The following LCLAT1 variants were observed in gnomAD, a reference collection of about 807,000 sequenced individuals.
LCLAT1 encodes lysocardiolipin acyltransferase 1.
A neutral mutation model predicts 30.7 loss-of-function variants in LCLAT1; 11 were observed. That is an observed-to-expected ratio of 0.36 (90% CI 0.23 to 0.59). LCLAT1 has a LOEUF of 0.59. Ranked by LOEUF, LCLAT1 falls within the 20% of genes least tolerant of loss-of-function variation. The pLI is 0.77. For missense variants in LCLAT1, 402 were observed against 458.6 expected (o/e 0.88, Z 1.13); for synonymous variants, 155 against 151.3 (o/e 1.02, Z -0.18).
chr2:30,524,281 A>G (rs1326772615), intron 1 of LCLAT1, among the ~76,000 whole-genome samples: 1 of 152,208 alleles, frequency 6.6e-6, no homozygotes, highest in Non-Finnish European at 1.5e-5. Flanking sequence ...TGAAGAGTCT[A>G]AGTTCTACTT....
rs1174302011 is a variant in LCLAT1, at chr2:30,640,399, T to C, written c.911T>C (p.Val304Ala). 5 of 1,614,172 alleles carry C rather than the reference T, an allele frequency of 3.1e-6. No individual in the cohort carries two copies. Among genetic ancestry groups the C allele is most frequent in the Admixed American group, 1.7e-5 (1 of 60,024 alleles). Residue 304 changes from valine to alanine, a missense_variant, in exon 6 of 6, where the codon GTC becomes GCC. By Grantham distance (64) the Val-to-Ala change is moderately conservative. Transcript: ENST00000379509. Reference sequence around the variant, plus strand: ...CCACCTTGCAAGTCTGAACTCAGGGTCCTTGTGGTCAAATTGCTCTCTATA... The same window carrying C: ...CCACCTTGCAAGTCTGAACTCAGGGCCCTTGTGGTCAAATTGCTCTCTATA... The part of the protein sequence containing the change: ...VIPPCKSELR[V>A]LVVKLLSILY...
chr2:30,594,509 CAA>C (rs1666843141), intron 5 of LCLAT1, among the ~76,000 whole-genome samples: 1 of 152,098 alleles, frequency 6.6e-6, no homozygotes. Context: ...TAATTTGCAT[CAA>C]GTTTTATTGC....
chr2:30,640,436 C>G lies in LCLAT1; in HGVS notation c.948C>G (p.Thr316=). 1 of 1,614,100 alleles carries G rather than the reference C, an allele frequency of 6.2e-7. No homozygotes were observed. The highest frequency in any genetic ancestry group is 1.1e-5 in the South Asian group (1 of 91,074). ...AATTGCTCTCTATACTGTATTGGACCCTGTTCAGCCCTGCAATGTGCCTAC... is the reference window on the plus strand; with the variant it reads ...AATTGCTCTCTATACTGTATTGGACGCTGTTCAGCCCTGCAATGTGCCTAC... ...VVKLLSILYW[T]LFSPAMCLLI... is the part of the protein sequence containing the mutation. Residue 316 remains threonine, a synonymous_variant, in exon 6 of 6, where the codon ACC becomes ACG. Coordinates refer to ENST00000379509, the MANE Select transcript of LCLAT1 (RefSeq NM_001002257.3).
At chr2:30,525,798 G>T (rs756242566) in intron 2 of LCLAT1, 43 bp downstream of exon 2, 5 of 1,571,048 alleles carry the variant, frequency 3.2e-6, no homozygotes, top group Non-Finnish European at 3.5e-6. Flanking sequence ...GTACTAGAGT[G>T]CTCCCCACCC....
chr2:30,449,713 T>TG (rs2148250032), intron 1 of LCLAT1, among the ~76,000 whole-genome samples: 1 of 152,200 alleles, frequency 6.6e-6, no homozygotes, highest in Admixed American at 6.5e-5. Context: ...TTGGTCAGGC[T>TG]AGTCTTGAGC....
rs948946907 is a variant in LCLAT1, at chr2:30,641,720, T to C, written c.*1101T>C. 2.6e-5 allele frequency: 4 copies of C among 152,134 alleles called. No homozygotes were observed. The highest frequency in any genetic ancestry group is 5.9e-5 in the Non-Finnish European group (4 of 68,016). The allele number at this position is 152,134 out of a possible 1,614,324, so 9.4% of individuals were successfully genotyped here. On this transcript the variant is annotated 3_prime_UTR_variant, in exon 6 of 6. Coordinates refer to ENST00000379509, the MANE Select transcript of LCLAT1 (RefSeq NM_001002257.3). ...GATAGCAAGTGATCTTTCTTTTTAG[T>C]TTTAGCCTTCCTTTTTCAATAGTAA... is the stretch of plus-strand genomic sequence containing the variant.
At chr2:30,509,634 C>G (rs1684843887) in intron 1 of LCLAT1, among the ~76,000 whole-genome samples, 1 of 151,594 alleles carries the variant, frequency 6.6e-6, no homozygotes, top group African/African-American at 2.4e-5. Flanking sequence ...GTGCAGTGGC[C>G]TGATCACTGC....
At chr2:30,529,775 T>C (rs531318207) in intron 2 of LCLAT1, among the ~76,000 whole-genome samples, 1 of 152,316 alleles carries the variant, frequency 6.6e-6, no homozygotes, top group South Asian at 2.1e-4. Flanking sequence ...ACACTGTTGC[T>C]CTTAACAAAG....
intron 1 of LCLAT1, among the ~76,000 whole-genome samples, chr2:30,498,637 A>G (rs1880540): frequency 0.36 from 55,323 of 151,804 alleles, 11,193 homozygotes; most frequent in Non-Finnish European, 0.46. Flanking sequence ...CTCTCTCACG[A>G]TTTCTTACTT....
rs1669438715 is a variant in LCLAT1 at position 30,643,941 on chromosome 2, T to G, written c.*3322T>G. 6.6e-6 allele frequency: 1 copy of G among 152,634 alleles called. No homozygotes were observed. Among genetic ancestry groups the G allele is most frequent in the Non-Finnish European group, 1.5e-5 (1 of 68,040 alleles). 9.5% of individuals were successfully genotyped at this position (152,634 alleles called of 1,614,324 possible). A position where few individuals can be genotyped will look rare whatever the true frequency, so the allele number is the denominator to read the frequency against. On this transcript the variant is annotated 3_prime_UTR_variant, in exon 6 of 6. Coordinates refer to ENST00000379509, the MANE Select transcript of LCLAT1 (RefSeq NM_001002257.3). ...GCTTCATGCTGAGGTAGTGGTTGCCTTAGAGCTGTTATTTATGCTGTAGAA... is the reference window on the plus strand; with the variant it reads ...GCTTCATGCTGAGGTAGTGGTTGCCGTAGAGCTGTTATTTATGCTGTAGAA...
intron 3 of LCLAT1, among the ~76,000 whole-genome samples, chr2:30,553,789 T>C (rs929668690): frequency 6.6e-5 from 10 of 151,808 alleles, no homozygotes; most frequent in Admixed American, 1.3e-4. Flanking sequence ...CAGTCCGCAG[T>C]CCGGCCTGGG....
Position 30,642,684 on chromosome 2 carries a change from T to C in LCLAT1, c.*2065T>C, listed in dbSNP as rs1669383233. 3 of 151,612 alleles carry C rather than the reference T, an allele frequency of 2.0e-5. No homozygotes were observed. Among genetic ancestry groups the C allele is most frequent in the Non-Finnish European group, 4.4e-5 (3 of 67,928 alleles). The allele number at this position is 151,612 out of a possible 1,614,324, so 9.4% of individuals were successfully genotyped here. On this transcript the variant is annotated 3_prime_UTR_variant, in exon 6 of 6. Coordinates refer to ENST00000379509, the MANE Select transcript of LCLAT1 (RefSeq NM_001002257.3). ...ATGTCCTCTAACGCTTTGAAACCTT[T>C]AGAGGGAAGATCCTCATTTTTTACA...
intron 2 of LCLAT1, among the ~76,000 whole-genome samples, chr2:30,532,606 G>C (rs1250957069): frequency 6.6e-6 from 1 of 152,056 alleles, no homozygotes; most frequent in Non-Finnish European, 1.5e-5. Flanking sequence ...TAGTATTTTA[G>C]TAGATGTATA....
chr2:30,572,962 G>T (rs1191131258), intron 5 of LCLAT1, among the ~76,000 whole-genome samples: 1 of 149,200 alleles, frequency 6.7e-6, no homozygotes, highest in Non-Finnish European at 1.5e-5. Context: ...AAAAATTGTG[G>T]TTCGATCGTT....
chr2:30,532,965 A>T (rs1289576067), intron 2 of LCLAT1, 151 bp from the exon 3 acceptor site: 4 of 618,048 alleles, frequency 6.5e-6, no homozygotes, highest in Non-Finnish European at 8.5e-6. Context: ...AGATAACCTC[A>T]CCACTCAATT....
chr2:30,607,279 AC>A (rs924447906), intron 5 of LCLAT1: 2 of 151,908 alleles, frequency 1.3e-5, no homozygotes, highest in Non-Finnish European at 2.9e-5. Flanking sequence ...CTCATGATCC[AC>A]CCGCCTCAGC....
intron 3 of LCLAT1, among the ~76,000 whole-genome samples, chr2:30,543,111 G>A (rs1398612181): frequency 6.6e-6 from 1 of 151,962 alleles, no homozygotes; most frequent in Non-Finnish European, 1.5e-5. Context: ...ATTTTTCACA[G>A]ATGCTCTTAA....
At chr2:30,583,981 G>T (rs1482401528) in intron 5 of LCLAT1, among the ~76,000 whole-genome samples, 1 of 151,602 alleles carries the variant, frequency 6.6e-6, no homozygotes, top group African/African-American at 2.4e-5. Flanking sequence ...GTGCCAAAGT[G>T]GTTTGCCGCA....
chr2:30,565,373 G>A (rs1354444644), intron 4 of LCLAT1, among the ~76,000 whole-genome samples: 1 of 151,972 alleles, frequency 6.6e-6, no homozygotes, highest in African/African-American at 2.4e-5. Flanking sequence ...GATTTGATGG[G>A]GCCTACTCCC....
Sources: gnomAD v4.1 joint callset for allele counts (sites outside exome capture counted in the v4.1 genomes callset) on GRCh38, gnomAD v4.1.1 for gene constraint, MANE v1.5 for transcripts, NCBI Gene and HGNC (gene_info 2026-07-23, HGNC 2026-07-21) for gene names.